REV1: variants seen among roughly 807,000 people sequenced by gnomAD.
REV1 encodes the protein translesion synthesis protein REV1.
A neutral mutation model predicts 137.4 loss-of-function variants in REV1; 42 were observed. The observed-to-expected ratio is 0.31, with a 90% CI of 0.24 to 0.40. REV1 has a LOEUF of 0.40. Ranked by LOEUF, REV1 falls within the 10% of genes least tolerant of loss-of-function variation. The pLI is 1.00. For missense variants in REV1, 1,282 were observed against 1,490.1 expected (o/e 0.86, Z 2.30); for synonymous variants, 524 against 519.2 (o/e 1.01, Z -0.12).
intron 1 of REV1, among the ~76,000 whole-genome samples, chr2:99,476,599 TTTTG>T (rs1686005360): frequency 6.6e-6 from 1 of 152,134 alleles, no homozygotes; most frequent in Non-Finnish European, 1.5e-5. Context: ...TGTTAAGTGC[TTTTG>T]TTTACCTGGG....
chr2:99,445,558 T>A (rs949931556), intron 4 of REV1, among the ~76,000 whole-genome samples: 1 of 152,218 alleles, frequency 6.6e-6, no homozygotes, highest in East Asian at 1.9e-4. Flanking sequence ...TCCATGACAC[T>A]CCTCAGGTTT....
chr2:99,468,561 G>C (rs575606396), intron 1 of REV1, among the ~76,000 whole-genome samples: 14 of 152,288 alleles, frequency 9.2e-5, no homozygotes, highest in Non-Finnish European at 1.6e-4. Context: ...TTGCCTTCTA[G>C]TTTTCAGAGG....
chr2:99,434,616 A>G (rs1313021384), intron 7 of REV1, among the ~76,000 whole-genome samples, 168 bp from the exon 8 acceptor site: 2 of 152,194 alleles, frequency 1.3e-5, no homozygotes, highest in East Asian at 3.8e-4. Flanking sequence ...ATCACCATGT[A>G]AATGTCATTT....
At chr2:99,403,616 A>G in intron 19 of REV1, 79 bp downstream of exon 19, 5 of 1,593,774 alleles carry the variant, frequency 3.1e-6, no homozygotes, top group Non-Finnish European at 4.3e-6. Context: ...TTTGCCCATT[A>G]TATACTGCAA....
rs1435452815 is a variant in REV1 at position 99,403,740 on chromosome 2, T to C, written c.3121A>G (p.Arg1041Gly). Reference sequence around the variant, plus strand: ...TGGTGAGTGCTGTTCTCGCCCTGCCTTTGTCTTTGATCATACGCTGCTTTC... The same window carrying C: ...TGGTGAGTGCTGTTCTCGCCCTGCCCTTGTCTTTGATCATACGCTGCTTTC... Reference protein sequence around the residue: ...ELKAAYDQRQRQGENSTHQQS... With the variant: ...ELKAAYDQRQGQGENSTHQQS... Residue 1041 changes from arginine to glycine, a missense_variant, in exon 19 of 23, where the codon AGG becomes GGG. Physicochemically the swap from Arg to Gly is moderately radical, Grantham distance 125. Around this residue, in one of 7 missense-constraint regions of REV1, gnomAD observed 23 missense variants for 46.3 expected, o/e 0.50. Coordinates refer to ENST00000258428, the MANE Select transcript of REV1 (RefSeq NM_016316.4). 5.6e-6 allele frequency: 9 copies of C among 1,614,064 alleles called. No individual in the cohort carries two copies. Among genetic ancestry groups the C allele is most frequent in the Non-Finnish European group, 7.6e-6 (9 of 1,180,016 alleles).
intron 4 of REV1, among the ~76,000 whole-genome samples, chr2:99,447,310 C>CT (rs1682348535): frequency 6.6e-6 from 1 of 151,726 alleles, no homozygotes; most frequent in Non-Finnish European, 1.5e-5. Flanking sequence ...GTAGCTGGGA[C>CT]TACAGGCGCG....
chr2:99,412,051 G>A (rs2104474252), intron 13 of REV1, among the ~76,000 whole-genome samples: 1 of 150,978 alleles, frequency 6.6e-6, no homozygotes, highest in Middle Eastern at 3.4e-3. Context: ...GGCCAACACG[G>A]TGAAACCACG....
rs562984963 is a variant in REV1, at chr2:99,486,386, G to C, written c.-11+3431C>G. Among the ~76,000 whole-genome samples the C allele has an allele frequency of 7.2e-5, 11 of 152,134 alleles. No individual in the cohort carries two copies. In the East Asian group the frequency reaches 1.9e-3, roughly 27 times the overall value. On this transcript the variant is annotated intron_variant, in intron 1 of 22. Transcript: ENST00000258428. The stretch of plus-strand genomic sequence containing the variant: ...CTACTAAAAATACAAAAAATTAGCC[G>C]GGCGTGGTGGCAGGTGCCTGCAGTC...
At chr2:99,407,003 C>A (rs1042613737) in intron 15 of REV1, 1 of 148,552 alleles carries the variant, frequency 6.7e-6, no homozygotes, top group Admixed American at 6.8e-5. Flanking sequence ...AGTGACTAAT[C>A]TTTCAACAAA....
intron 8 of REV1, chr2:99,431,694 G>T: frequency 1.0e-6 from 1 of 983,772 alleles, no homozygotes; most frequent in Non-Finnish European, 1.2e-6. Context: ...CAGTGCCCTG[G>T]CCTGAGAGGC....
At chr2:99,409,362 C>T (rs1676783529) in intron 14 of REV1, among the ~76,000 whole-genome samples, 1 of 152,138 alleles carries the variant, frequency 6.6e-6, no homozygotes, top group Non-Finnish European at 1.5e-5. Flanking sequence ...GTATGGTTGG[C>T]ATGAGCTAAT....
chr2:99,475,686 C>CA (rs138622803), intron 1 of REV1, among the ~76,000 whole-genome samples: 33,131 of 149,420 alleles, frequency 0.22, 4,107 homozygotes, highest in Admixed American at 0.31. Context: ...CACTCTGTCT[C>CA]AAAAAAAAAA....
Position 99,438,977 on chromosome 2 carries a change from C to A in REV1, c.837G>T (p.Leu279Phe). The change falls in exon 6 of 23, where the codon TTG (leucine) becomes TTT (phenylalanine). Residue 279 changes from leucine (L) to phenylalanine (F), a missense_variant. Leu to Phe is a conservative substitution (Grantham distance 22, BLOSUM62 0). Transcript: ENST00000258428. Reference protein sequence around the residue: ...TDFRDCTLQQLQQSTRNTDAL... With the variant: ...TDFRDCTLQQFQQSTRNTDAL... ...CATCTGTGTTTCTGGTGCTTTGCTGCAACTGCTGCAGAGTGCAGTCTCTGA... is the reference window on the plus strand; with the variant it reads ...CATCTGTGTTTCTGGTGCTTTGCTGAAACTGCTGCAGAGTGCAGTCTCTGA... The A allele has an allele frequency of 2.5e-6, 4 of 1,614,202 alleles. No individual in the cohort carries two copies. Among genetic ancestry groups the A allele is most frequent in the Non-Finnish European group, 3.4e-6 (4 of 1,180,038 alleles).
chr2:99,488,616 T>C (rs986248383), intron 1 of REV1, among the ~76,000 whole-genome samples: 1 of 152,176 alleles, frequency 6.6e-6, no homozygotes, highest in Non-Finnish European at 1.5e-5. Flanking sequence ...AAGTGTCCAG[T>C]ACAGGAAGGC....
chr2:99,422,941 C>T (rs907327754), intron 10 of REV1, among the ~76,000 whole-genome samples: 1 of 152,184 alleles, frequency 6.6e-6, no homozygotes, highest in African/African-American at 2.4e-5. Flanking sequence ...CTGACTTCCT[C>T]CTTTCAAAGA....
intron 1 of REV1, among the ~76,000 whole-genome samples, chr2:99,486,134 TAAAAA>T (rs1332512296): frequency 2.0e-5 from 3 of 151,986 alleles, no homozygotes; most frequent in Non-Finnish European, 4.4e-5. Flanking sequence ...CAAAAAATGT[TAAAAA>T]AGAAAAAAAT....
chr2:99,413,330 A>G (rs1677443760), intron 12 of REV1, among the ~76,000 whole-genome samples: 1 of 152,258 alleles, frequency 6.6e-6, no homozygotes, highest in African/African-American at 2.4e-5. Context: ...TTACAGACAT[A>G]CTAACCAACT....
Position 99,464,998 on chromosome 2 carries a change from G to C in REV1, c.-10-13C>G. Reference sequence around the variant, plus strand: ...CATGGTGGAGCTTCTGTATTGGGGAGGAAAAAAAAAATGTCAATTTTATAA... The same window carrying C: ...CATGGTGGAGCTTCTGTATTGGGGACGAAAAAAAAAATGTCAATTTTATAA... On this transcript the variant is annotated splice_polypyrimidine_tract_variant and intron_variant, in intron 1 of 22. Coordinates refer to ENST00000258428, the MANE Select transcript of REV1 (RefSeq NM_016316.4). The C allele has an allele frequency of 4.4e-6, 7 of 1,584,406 alleles. No individual in the cohort carries two copies. The highest frequency in any genetic ancestry group is 6.0e-6 in the Non-Finnish European group (7 of 1,166,074).
At chr2:99,429,048 AT>A (rs1361293677) in intron 9 of REV1, among the ~76,000 whole-genome samples, 1 of 152,034 alleles carries the variant, frequency 6.6e-6, no homozygotes, top group Non-Finnish European at 1.5e-5. Context: ...TCGATTTGAA[AT>A]TATTGAATAC....
Sources: allele counts gnomAD v4.1 joint callset (sites outside exome capture counted in the v4.1 genomes callset), GRCh38; gene constraint gnomAD v4.1.1; regional missense constraint gnomAD v4.1.1; transcripts MANE v1.5; gene names NCBI Gene and HGNC (gene_info 2026-07-23, HGNC 2026-07-21).